MAF: variants seen among roughly 807,000 people sequenced by gnomAD.
MAF encodes the protein MAF bZIP transcription factor.
MAF carries 10 observed loss-of-function variants against 22.0 expected under a neutral mutation model. The ratio of observed to expected loss-of-function variants is 0.45; its 90% CI spans 0.28 to 0.77. The LOEUF is 0.77. Among genes scored for constraint, MAF ranks in the 30% least tolerant of loss-of-function variants. MAF has a pLI of 0.12. For missense variants in MAF, 544 were observed against 548.4 expected, an observed-to-expected ratio of 0.99 and a Z score of 0.08; for synonymous variants, 337 against 255.8, an observed-to-expected ratio of 1.32 and a Z score of -3.03.
the MAF span, among the ~76,000 whole-genome samples, chr16:79,217,601 T>C: frequency 9.9e-5 from 15 of 152,198 alleles, no homozygotes; most frequent in Non-Finnish European, 1.2e-4. Flanking sequence ...TCCCGAGTTC[T>C]TCGCGCTCAT....
the MAF span, among the ~76,000 whole-genome samples, chr16:79,371,423 A>C: frequency 6.6e-6 from 1 of 152,172 alleles, no homozygotes; most frequent in Non-Finnish European, 1.5e-5. Flanking sequence ...GTGTCTAGAA[A>C]TATGTGCTCA....
chr16:79,552,252 C>T, the MAF span, among the ~76,000 whole-genome samples: 1 of 151,834 alleles, frequency 6.6e-6, no homozygotes, highest in Non-Finnish European at 1.5e-5. Flanking sequence ...CTTGCTGTGT[C>T]ACCCAGATTG....
chr16:79,365,602 G>T, the MAF span, among the ~76,000 whole-genome samples: 1 of 152,096 alleles, frequency 6.6e-6, no homozygotes, highest in Admixed American at 6.5e-5. Context: ...CCTGGGATTG[G>T]GGTGTAGGGG....
At chr16:79,489,772 T>C in the MAF span, among the ~76,000 whole-genome samples, 1 of 152,190 alleles carries the variant, frequency 6.6e-6, no homozygotes, top group South Asian at 2.1e-4. Context: ...ACAAAAGTCC[T>C]TGTGGTTTAT....
chr16:79,212,057 T>TGGTTG, the MAF span: 12 of 1,536,310 alleles, frequency 7.8e-6, no homozygotes, highest in Non-Finnish European at 9.6e-6. Context: ...AGTAAAAACC[T>TGGTTG]GCTTGGTGTG....
chr16:79,231,536 C>T, the MAF span, among the ~76,000 whole-genome samples: 1 of 152,080 alleles, frequency 6.6e-6, no homozygotes, highest in Non-Finnish European at 1.5e-5. Context: ...TTTCTTATCT[C>T]TGTTATCACC....
At chr16:79,396,087 C>G in the MAF span, among the ~76,000 whole-genome samples, 10 of 152,116 alleles carry the variant, frequency 6.6e-5, no homozygotes, top group Non-Finnish European at 1.3e-4. Flanking sequence ...AGGAAATGAC[C>G]CAAATCCCTT....
the MAF span, among the ~76,000 whole-genome samples, chr16:79,578,578 A>G: frequency 6.6e-6 from 1 of 152,186 alleles, no homozygotes; most frequent in Non-Finnish European, 1.5e-5. Flanking sequence ...GGAAATATAA[A>G]ATGAGAAAAC....
the MAF span, among the ~76,000 whole-genome samples, chr16:79,449,034 A>C: frequency 6.6e-6 from 1 of 152,192 alleles, no homozygotes; most frequent in East Asian, 1.9e-4. Flanking sequence ...TCCTCCAATG[A>C]GACAGTCCCA....
At chr16:79,491,046 G>A in the MAF span, among the ~76,000 whole-genome samples, 136 of 152,340 alleles carry the variant, frequency 8.9e-4, no homozygotes, top group Non-Finnish European at 1.3e-3. Context: ...ATGGAAACAA[G>A]TCACAGATAG....
the MAF span, among the ~76,000 whole-genome samples, chr16:79,497,060 T>A: frequency 6.6e-6 from 1 of 152,130 alleles, no homozygotes; most frequent in Non-Finnish European, 1.5e-5. Context: ...CTTTTCTCCA[T>A]CTCCCAACTC....
chr16:79,362,039 A>G, the MAF span, among the ~76,000 whole-genome samples: 1 of 152,202 alleles, frequency 6.6e-6, no homozygotes, highest in Non-Finnish European at 1.5e-5. Context: ...GCTCTGAAAT[A>G]AAACTCTCTG....
chr16:79,549,388 C>A, the MAF span, among the ~76,000 whole-genome samples: 1 of 152,198 alleles, frequency 6.6e-6, no homozygotes, highest in Non-Finnish European at 1.5e-5. Context: ...ATAGAACACC[C>A]TGCAGCACAG....
downstream of MAF, among the ~76,000 whole-genome samples, chr16:79,592,139 T>C (rs1437845664): frequency 6.6e-6 from 1 of 152,190 alleles, no homozygotes; most frequent in African/African-American, 2.4e-5. Context: ...CTCCTACAAA[T>C]GGTGCAGGGA....
At chr16:79,257,926 G>A in the MAF span, among the ~76,000 whole-genome samples, 1 of 152,162 alleles carries the variant, frequency 6.6e-6, no homozygotes, top group Non-Finnish European at 1.5e-5. Flanking sequence ...TCAGTAGGTG[G>A]TGCATTTTTG....
chr16:79,306,885 A>G, the MAF span, among the ~76,000 whole-genome samples: 1 of 152,316 alleles, frequency 6.6e-6, no homozygotes, highest in South Asian at 2.1e-4. Flanking sequence ...CAGTAGCTGC[A>G]TTACAGGGTT....
chr16:79,319,289 C>T, the MAF span, among the ~76,000 whole-genome samples: 5 of 152,106 alleles, frequency 3.3e-5, no homozygotes, highest in East Asian at 5.8e-4. Context: ...GAACTTTAAG[C>T]GGGGGAGAGG....
the MAF span, among the ~76,000 whole-genome samples, chr16:79,447,930 T>C: frequency 1.4e-5 from 1 of 71,782 alleles, no homozygotes; most frequent in Non-Finnish European, 2.8e-5. Context: ...AGAAAAGAAA[T>C]GGAGCCTGAA....
chr16:79,252,620 GCTGGGAT>G, the MAF span, among the ~76,000 whole-genome samples: 1 of 152,148 alleles, frequency 6.6e-6, no homozygotes, highest in Non-Finnish European at 1.5e-5. Context: ...CACCAAGGTA[GCTGGGAT>G]TATAGGCTCT....
Sources: gnomAD v4.1 joint callset for allele counts (sites outside exome capture counted in the v4.1 genomes callset) on GRCh38, gnomAD v4.1.1 for gene constraint, MANE v1.5 for transcripts, NCBI Gene and HGNC (gene_info 2026-07-23, HGNC 2026-07-21) for gene names.